BAG4: variants seen among roughly 807,000 people sequenced by gnomAD.
The protein encoded by BAG4 is BAG family molecular chaperone regulator 4.
A neutral mutation model predicts 52.1 loss-of-function variants in BAG4; 28 were observed. The observed-to-expected ratio is 0.54, with a 90% CI of 0.40 to 0.74. BAG4 has a LOEUF of 0.74. BAG4 is among the 30% of genes least tolerant of loss of function. BAG4 has a pLI of 0.00. For missense variants in BAG4, 525 were observed against 572.0 expected (o/e 0.92, Z 0.84); for synonymous variants, 208 against 217.0 (o/e 0.96, Z 0.37).
At chr8:38,182,897 T>TA (rs888832701) in intron 1 of BAG4, among the ~76,000 whole-genome samples, 5 of 152,180 alleles carry the variant, frequency 3.3e-5, no homozygotes, top group Admixed American at 2.0e-4. Flanking sequence ...TTTTTTTCAT[T>TA]AAAAAAATTA....
chr8:38,194,980 G>A (rs577356855), intron 2 of BAG4, among the ~76,000 whole-genome samples: 230 of 149,704 alleles, frequency 1.5e-3, no homozygotes, highest in Non-Finnish European at 2.2e-3. Flanking sequence ...TCAGCCTCCC[G>A]AGTAGCTGGG....
rs757324408 is a variant in BAG4, at chr8:38,210,520, G to A, written c.*27G>A. ...AGGATTTAGAACAAAGTGGAAGCCT[G>A]TTACTAACTTGACCAAAGAACACTT... On this transcript the variant is annotated 3_prime_UTR_variant, in exon 5 of 5. Transcript: ENST00000287322. 2 of 1,534,378 alleles carry A rather than the reference G, an allele frequency of 1.3e-6. No homozygotes were observed. Among genetic ancestry groups the A allele is most frequent in the South Asian group, 1.3e-5 (1 of 76,784 alleles).
chr8:38,179,264 C>G (rs935125994), intron 1 of BAG4, among the ~76,000 whole-genome samples: 1 of 152,024 alleles, frequency 6.6e-6, no homozygotes, highest in Non-Finnish European at 1.5e-5. Flanking sequence ...GGGTCAAAGT[C>G]TCCTGCTTCA....
chr8:38,203,386 C>T (rs1335186695), intron 2 of BAG4, among the ~76,000 whole-genome samples: 1 of 151,442 alleles, frequency 6.6e-6, no homozygotes, highest in Non-Finnish European at 1.5e-5. Context: ...GAGTTCACGC[C>T]ATTCTCCTGC....
At position 38,207,759 on chromosome 8, in the gene BAG4, C is replaced by G. The variant is rs764266335; in HGVS notation, c.626C>G (p.Pro209Arg). 6.2e-7 allele frequency: 1 copy of G among 1,614,072 alleles called. No individual in the cohort carries two copies. The highest frequency in any genetic ancestry group is 2.2e-5 in the East Asian group (1 of 44,878). ...AGGGGGCAGGTTCCAGGATATCCGC[C>G]TTCACAGGTGAGTTGTTTTCTATTG... ...PLRGQVPGYP[P>R]SQNPGMTLPH... The change falls in exon 3 of 5, where the codon CCT becomes CGT. Residue 209 changes from proline to arginine, a missense_variant. By Grantham distance (103) the Pro-to-Arg change is moderately radical. Around this residue, in one of 2 missense-constraint regions of BAG4, gnomAD observed 238 missense variants for 305.8 expected, o/e 0.78. Coordinates refer to ENST00000287322, the MANE Select transcript of BAG4 (RefSeq NM_004874.4).
intron 2 of BAG4, among the ~76,000 whole-genome samples, chr8:38,195,438 A>G (rs1803547979): frequency 6.6e-6 from 1 of 152,146 alleles, no homozygotes; most frequent in Admixed American, 6.5e-5. Flanking sequence ...AAAAGTGTAC[A>G]TCACCATGCC....
At position 38,180,712 on chromosome 8, in the gene BAG4, A is replaced by G. The variant is rs1440968857; in HGVS notation, c.270+3573A>G. Among the ~76,000 whole-genome samples the G allele has an allele frequency of 2.6e-5, 4 of 152,148 alleles. No individual in the cohort carries two copies. The East Asian group carries it at 7.7e-4, about 29-fold the overall frequency. Reference sequence around the variant, plus strand: ...ACTCAAAAAGTGTGGTCCATGGACTAGAAGCCTCGGTGTCACTTGTGAGGT... The same window carrying G: ...ACTCAAAAAGTGTGGTCCATGGACTGGAAGCCTCGGTGTCACTTGTGAGGT... On this transcript the variant is annotated intron_variant, in intron 1 of 4. Coordinates refer to ENST00000287322, the MANE Select transcript of BAG4 (RefSeq NM_004874.4).
chr8:38,181,852 G>A (rs1487854850), intron 1 of BAG4, among the ~76,000 whole-genome samples: 2 of 114,990 alleles, frequency 1.7e-5, no homozygotes, highest in African/African-American at 6.7e-5. Flanking sequence ...ATCATGCCAC[G>A]AACTCCAGCC....
At chr8:38,208,372 C>T (rs1249995048) in intron 3 of BAG4, among the ~76,000 whole-genome samples, 2 of 131,086 alleles carry the variant, frequency 1.5e-5, no homozygotes, top group Admixed American at 7.7e-5. Flanking sequence ...TGCAGTGGCA[C>T]GGTCTAGGCT....
intron 2 of BAG4, among the ~76,000 whole-genome samples, chr8:38,200,066 T>C (rs1347920373): frequency 6.6e-6 from 1 of 151,410 alleles, no homozygotes; most frequent in African/African-American, 2.4e-5. Context: ...AGTGTAGTGG[T>C]GCAATCTCTG....
chr8:38,181,315 A>G (rs1358323757), intron 1 of BAG4, among the ~76,000 whole-genome samples: 1 of 134,338 alleles, frequency 7.4e-6, no homozygotes, highest in Non-Finnish European at 1.6e-5. Flanking sequence ...GCTCACTGCA[A>G]CCTCCACCTC....
intron 1 of BAG4, among the ~76,000 whole-genome samples, chr8:38,178,885 A>G (rs1337558122): frequency 6.6e-6 from 1 of 152,214 alleles, no homozygotes; most frequent in Admixed American, 6.5e-5. Context: ...CTGTAATCCC[A>G]GCACTTTGAG....
intron 2 of BAG4, among the ~76,000 whole-genome samples, chr8:38,195,891 C>T (rs955645312): frequency 1.3e-5 from 2 of 152,128 alleles, no homozygotes; most frequent in African/African-American, 2.4e-5. Context: ...GAATAGAAAC[C>T]CTGAACTTGA....
intron 4 of BAG4, 158 bp downstream of exon 4, chr8:38,209,425 C>CT (rs1016426722): frequency 5.9e-5 from 54 of 922,298 alleles, no homozygotes; most frequent in Admixed American, 6.9e-5. Context: ...TTTCCTTTTT[C>CT]TTTTTTTTAA....
At chr8:38,209,429 T>A (rs796854648) in intron 4 of BAG4, 162 bp downstream of exon 4, 4 of 856,196 alleles carry the variant, frequency 4.7e-6, no homozygotes, top group Admixed American at 3.3e-5. Flanking sequence ...CTTTTTCTTT[T>A]TTTTAATAGA....
At chr8:38,180,324 A>G (rs1585649335) in intron 1 of BAG4, among the ~76,000 whole-genome samples, 1 of 151,846 alleles carries the variant, frequency 6.6e-6, no homozygotes, top group Non-Finnish European at 1.5e-5. Flanking sequence ...GGAGTTCGAG[A>G]CCAGCCTGGT....
At chr8:38,204,604 AACATAGCGTG>A (rs1803737153) in intron 2 of BAG4, among the ~76,000 whole-genome samples, 1 of 152,108 alleles carries the variant, frequency 6.6e-6, no homozygotes, top group Admixed American at 6.5e-5. Flanking sequence ...CTAGCCTGGC[AACATAGCGTG>A]ACCTCATTTC....
chr8:38,207,693 T>A lies in BAG4; in HGVS notation c.560T>A (p.Ile187Asn), dbSNP rs1446241717. ...AGCCCAACTCCAGTCTCTCGTTGGA[T>A]CTATCCCCAGCAGGACTGTCAGACT... ...GNSPTPVSRW[I>N]YPQQDCQTEA... is the part of the protein sequence containing the mutation. The change falls in exon 3 of 5, where the codon ATC becomes AAC. Residue 187 changes from isoleucine (I) to asparagine (N), a missense_variant. Physicochemically the swap from Ile to Asn is moderately radical, Grantham distance 149. This residue lies in a region of BAG4 where 287 missense variants were observed against 266.1 expected (regional missense o/e 1.08). Transcript: ENST00000287322. 4 of 1,613,996 alleles carry A rather than the reference T, an allele frequency of 2.5e-6. No individual in the cohort carries two copies. Among genetic ancestry groups the A allele is most frequent in the Non-Finnish European group, 3.4e-6 (4 of 1,180,002 alleles).
At position 38,201,853 on chromosome 8, in the gene BAG4, TATATATATATA is replaced by T. The variant is rs1803670250; in HGVS notation, c.379-5658_379-5648del. ...TGGAATTTATATATATATATATATA[TATATATATATA>T]TATATATATATATATATTTTTTTTT... On this transcript the variant is annotated intron_variant, in intron 2 of 4. Coordinates refer to ENST00000287322, the MANE Select transcript of BAG4 (RefSeq NM_004874.4). The T allele has an allele frequency of 3.1e-4, 2 of 6,460 alleles. 1 individual carries two copies. The highest frequency in any genetic ancestry group is 7.5e-4 in the African/African-American group (2 of 2,650). 0.4% of individuals were successfully genotyped at this position (6,460 alleles called of 1,614,324 possible). A position where few individuals can be genotyped will look rare whatever the true frequency, so the allele number is the denominator to read the frequency against.
Sources: gnomAD v4.1 joint callset for allele counts (sites outside exome capture counted in the v4.1 genomes callset) on GRCh38, gnomAD v4.1.1 for gene constraint, gnomAD v4.1.1 regional missense constraint, MANE v1.5 for transcripts, NCBI Gene and HGNC (gene_info 2026-07-23, HGNC 2026-07-21) for gene names.